The following DPPA3 variants were observed in gnomAD, a reference collection of about 807,000 sequenced individuals.
The protein encoded by DPPA3 is developmental pluripotency-associated protein 3.
DPPA3 carries 9 observed loss-of-function variants against 15.6 expected under a neutral mutation model. The ratio of observed to expected loss-of-function variants is 0.58; its 90% CI spans 0.35 to 1.01. The LOEUF is 1.01. Ranked by LOEUF, DPPA3 falls within the 50% of genes least tolerant of loss-of-function variation. The pLI, the probability that DPPA3 is intolerant of heterozygous loss-of-function variation, is 0.02. For missense variants in DPPA3, 148 were observed against 194.6 expected, an observed-to-expected ratio of 0.76 and a Z score of 1.42; for synonymous variants, 61 against 70.9, an observed-to-expected ratio of 0.86 and a Z score of 0.70.
Position 7,711,664 on chromosome 12 carries a change from A to T in DPPA3, c.82+12A>T. On this transcript the variant is annotated intron_variant, in intron 1 of 3. Coordinates refer to ENST00000345088, the MANE Select transcript of DPPA3 (RefSeq NM_199286.4). ...CCGGGACGATTCAGGTAAGCCAGAT[A>T]ATGCCCTTCTTGACTATCTGACTAT... The T allele has an allele frequency of 6.2e-7, 1 of 1,600,886 alleles. No homozygotes were observed. Among genetic ancestry groups the T allele is most frequent in the Non-Finnish European group, 8.5e-7 (1 of 1,172,766 alleles).
At chr12:7,716,043 C>T (rs1027237728) in intron 2 of DPPA3, among the ~76,000 whole-genome samples, 155 bp from the exon 3 acceptor site, 1 of 152,080 alleles carries the variant, frequency 6.6e-6, no homozygotes, top group Admixed American at 6.6e-5. Context: ...GTTAAGGCTG[C>T]AGTGAGCCAT....
intron 1 of DPPA3, among the ~76,000 whole-genome samples, chr12:7,712,924 G>A (rs1864360423): frequency 6.6e-6 from 1 of 152,098 alleles, no homozygotes; most frequent in African/African-American, 2.4e-5. Context: ...TTAATAAACA[G>A]ACTAACAGCT....
chr12:7,716,016 T>A (rs1007449757), intron 2 of DPPA3, among the ~76,000 whole-genome samples, 182 bp from the exon 3 acceptor site: 3 of 151,992 alleles, frequency 2.0e-5, no homozygotes, highest in Non-Finnish European at 2.9e-5. Flanking sequence ...GGCAGCTGGA[T>A]CACTTGAGCC....
chr12:7,716,105 C>T (rs1864396303), intron 2 of DPPA3, 93 bp from the exon 3 acceptor site: 1 of 1,165,780 alleles, frequency 8.6e-7, no homozygotes, highest in Non-Finnish European at 1.2e-6. Context: ...CCTGTCTCAA[C>T]AAATTCCCTA....
At chr12:7,715,078 G>A in intron 1 of DPPA3, 105 bp from the exon 2 acceptor site, 3 of 1,539,318 alleles carry the variant, frequency 1.9e-6, no homozygotes, top group Non-Finnish European at 2.7e-6. Flanking sequence ...CCACCCTGAG[G>A]AATTTCCCAC....
At chr12:7,715,529 C>G in intron 2 of DPPA3, 102 bp downstream of exon 2, 1 of 1,559,176 alleles carries the variant, frequency 6.4e-7, no homozygotes, top group Non-Finnish European at 8.7e-7. Context: ...GGTGCGGTGG[C>G]TGAGGCCTGT....
At chr12:7,715,072 C>T (rs754503274) in intron 1 of DPPA3, 111 bp from the exon 2 acceptor site, 7 of 1,510,834 alleles carry the variant, frequency 4.6e-6, no homozygotes, top group Admixed American at 1.8e-5. Flanking sequence ...GACCTTCCAC[C>T]CTGAGGAATT....
chr12:7,711,718 G>T lies in DPPA3; in HGVS notation c.82+66G>T, dbSNP rs923775156. The T allele has an allele frequency of 6.0e-4, 338 of 559,720 alleles. 1 individual carries two copies. The highest frequency in any genetic ancestry group is 7.2e-4 in the Non-Finnish European group (290 of 400,078). 34.7% of individuals were successfully genotyped at this position (559,720 alleles called of 1,614,324 possible). A position where few individuals can be genotyped will look rare whatever the true frequency, so the allele number is the denominator to read the frequency against. On this transcript the variant is annotated intron_variant, in intron 1 of 3. Coordinates refer to ENST00000345088, the MANE Select transcript of DPPA3 (RefSeq NM_199286.4). ...GGGGTTGGGAGGTCAAAAGGCTGCC[G>T]TCTTTTTTTTTTTTTTTTTTTTTTT...
rs747223098 is a variant in DPPA3 at position 7,716,179 on chromosome 12, A to G, written c.328-19A>G. 8.9e-6 allele frequency: 13 copies of G among 1,459,960 alleles called. No individual in the cohort carries two copies. Among genetic ancestry groups the G allele is most frequent in the Admixed American group, 5.7e-5 (3 of 52,824 alleles). 90.4% of individuals were successfully genotyped at this position (1,459,960 alleles called of 1,614,324 possible). On this transcript the variant is annotated intron_variant, in intron 2 of 3. Coordinates refer to ENST00000345088, the MANE Select transcript of DPPA3 (RefSeq NM_199286.4). Reference sequence around the variant, plus strand: ...TTTTTCTTGATAGTTTTCAATAAACATATTTTTTTCCCATGAAGCATGAAA... The same window carrying G: ...TTTTTCTTGATAGTTTTCAATAAACGTATTTTTTTCCCATGAAGCATGAAA...
chr12:7,711,447 C>A lies in DPPA3; in HGVS notation c.-124C>A. On this transcript the variant is annotated 5_prime_UTR_variant, in exon 1 of 4. Transcript: ENST00000345088. ...CTATAGTTTACGTCAGTTCTTTGAC[C>A]ATTCGTTGGAGCTCCGGTTTTCAGC... 1 of 733,414 alleles carries A rather than the reference C, an allele frequency of 1.4e-6. No individual in the cohort carries two copies. Among genetic ancestry groups the A allele is most frequent in the Non-Finnish European group, 2.2e-6 (1 of 460,384 alleles). 45.4% of individuals were successfully genotyped at this position (733,414 alleles called of 1,614,324 possible).
At chr12:7,716,337 AG>A (rs1864399239) in intron 3 of DPPA3, 98 bp downstream of exon 3, 1 of 985,112 alleles carries the variant, frequency 1.0e-6, no homozygotes, top group African/African-American at 1.7e-5. Flanking sequence ...ATAGGGAATT[AG>A]GGAATTTGCT....
chr12:7,715,400 A>G lies in DPPA3; in HGVS notation c.300A>G (p.Arg100=). The part of the protein sequence containing the change: ...SVQREKMARL[R]YMLLGGVRTH... ...AGAGAGAAAAGATGGCAAGATTGAG[A>G]TACATGTTACTCGGCGGAGTTCGTA... Residue 100 remains arginine (R), a synonymous_variant, in exon 2 of 4, where the codon AGA becomes AGG. Coordinates refer to ENST00000345088, the MANE Select transcript of DPPA3 (RefSeq NM_199286.4). 5 of 1,614,120 alleles carry G rather than the reference A, an allele frequency of 3.1e-6. No homozygotes were observed. The highest frequency in any genetic ancestry group is 3.4e-6 in the Non-Finnish European group (4 of 1,180,008).
chr12:7,714,424 G>A (rs1451497178), intron 1 of DPPA3, among the ~76,000 whole-genome samples: 4 of 152,114 alleles, frequency 2.6e-5, no homozygotes, highest in African/African-American at 7.2e-5. Context: ...AAAAATTCTC[G>A]CGTAAGTGGG....
intron 1 of DPPA3, among the ~76,000 whole-genome samples, chr12:7,712,716 G>C (rs1592080648): frequency 6.6e-6 from 1 of 152,162 alleles, no homozygotes. Context: ...AAAGTGCTGG[G>C]ATTACAGGCG....
chr12:7,712,296 TA>T (rs1864354250), intron 1 of DPPA3, among the ~76,000 whole-genome samples: 1 of 151,396 alleles, frequency 6.6e-6, no homozygotes, highest in South Asian at 2.1e-4. Context: ...GTTGCATCAG[TA>T]TCTTCCCCAA....
intron 1 of DPPA3, 93 bp from the exon 2 acceptor site, chr12:7,715,090 C>G (rs141903893): frequency 6.4e-7 from 1 of 1,567,282 alleles, no homozygotes; most frequent in African/African-American, 1.4e-5. Context: ...ATTTCCCACA[C>G]AGCGCCCTGT....
chr12:7,714,936 A>C (rs1274872988), intron 1 of DPPA3, among the ~76,000 whole-genome samples: 1 of 151,790 alleles, frequency 6.6e-6, no homozygotes, highest in East Asian at 1.9e-4. Flanking sequence ...GATGGTCTCG[A>C]TCTCCTGACC....
At chr12:7,714,208 A>C (rs1218595001) in intron 1 of DPPA3, among the ~76,000 whole-genome samples, 1 of 151,788 alleles carries the variant, frequency 6.6e-6, no homozygotes, top group Non-Finnish European at 1.5e-5. Context: ...CCAGCCTGGG[A>C]GGCAGAGCGA....
Position 7,716,218 on chromosome 12 carries a change from C to T in DPPA3, c.348C>T (p.Asn116=), listed in dbSNP as rs759197527. The T allele has an allele frequency of 1.4e-5, 22 of 1,605,132 alleles. No homozygotes were observed. In the Admixed American group the frequency reaches 2.2e-4, roughly 16 times the overall value. The part of the protein sequence containing the change: ...GVRTHERRPT[N]KEPKGVKKES... ...TGAAGCATGAAAGAAGACCAACAAA[C>T]AAGGAGCCTAAGGGAGTTAAGGTAA... Residue 116 remains asparagine (N), a synonymous_variant, in exon 3 of 4, where the codon AAC becomes AAT. Transcript: ENST00000345088.
Sources: allele counts gnomAD v4.1 joint callset (sites outside exome capture counted in the v4.1 genomes callset), GRCh38; gene constraint gnomAD v4.1.1; transcripts MANE v1.5; gene names NCBI Gene and HGNC (gene_info 2026-07-23, HGNC 2026-07-21).